The following TUT4 variants were observed in gnomAD, a reference collection of about 807,000 sequenced individuals.
TUT4 encodes terminal uridylyltransferase 4.
A neutral mutation model predicts 192.2 loss-of-function variants in TUT4; 36 were observed. The ratio of observed to expected loss-of-function variants is 0.19; its 90% CI spans 0.14 to 0.25. The LOEUF is 0.25. TUT4 is among the 10% of genes least tolerant of loss of function. The probability of loss-of-function intolerance (pLI) is 1.00; values close to 1 mark genes in which losing one functional copy is unlikely to be tolerated. For synonymous variants in TUT4, 618 were observed against 666.0 expected, an observed-to-expected ratio of 0.93 and a Z score of 1.11; for missense variants, 1,493 against 1,957.2, an observed-to-expected ratio of 0.76 and a Z score of 4.47.
intron 1 of TUT4, among the ~76,000 whole-genome samples, chr1:52,540,453 T>C (rs1433045371): frequency 1.3e-5 from 2 of 149,398 alleles, no homozygotes; most frequent in Middle Eastern, 3.2e-3. Context: ...AGGTAGAGAT[T>C]GCAGTGACCT....
At chr1:52,467,089 G>A (rs1414282872) in intron 15 of TUT4, among the ~76,000 whole-genome samples, 1 of 152,128 alleles carries the variant, frequency 6.6e-6, no homozygotes, top group Non-Finnish European at 1.5e-5. Flanking sequence ...AGGCTGCAGT[G>A]AGCTATGATC....
intron 3 of TUT4, among the ~76,000 whole-genome samples, chr1:52,511,967 G>C (rs1292781244): frequency 1.3e-5 from 2 of 151,698 alleles, no homozygotes; most frequent in Non-Finnish European, 2.9e-5. Flanking sequence ...TGAGAGTGGT[G>C]AAGGTGGTAA....
intron 11 of TUT4, among the ~76,000 whole-genome samples, chr1:52,478,525 G>A (rs1218769785): frequency 1.3e-5 from 2 of 152,186 alleles, no homozygotes; most frequent in African/African-American, 2.4e-5. Flanking sequence ...ATTCCATGAA[G>A]TGGATACTAT....
intron 24 of TUT4, among the ~76,000 whole-genome samples, chr1:52,445,358 T>C (rs906219665): frequency 4.6e-5 from 7 of 152,146 alleles, no homozygotes; most frequent in African/African-American, 1.7e-4. Context: ...ATTTCTTCGG[T>C]TTTGTCTTCT....
At chr1:52,462,027 T>A in intron 16 of TUT4, 2 of 303,418 alleles carry the variant, frequency 6.6e-6, no homozygotes, top group Non-Finnish European at 6.1e-6. Flanking sequence ...GTAATTCACA[T>A]GCAGATTAAA....
intron 4 of TUT4, among the ~76,000 whole-genome samples, chr1:52,503,904 T>G (rs1281183274): frequency 1.3e-5 from 2 of 152,188 alleles, no homozygotes; most frequent in African/African-American, 2.4e-5. Context: ...CTGTCCTTAC[T>G]CATTTGGTGA....
At position 52,518,371 on chromosome 1, in the gene TUT4, C is replaced by G. The variant is rs80036061; in HGVS notation, c.719-2317G>C. Among the ~76,000 whole-genome samples the G allele has an allele frequency of 3.9e-3, 596 of 152,352 alleles. 3 individuals carry two copies. The highest frequency in any genetic ancestry group is 0.014 in the African/African-American group (568 of 41,580). On this transcript the variant is annotated intron_variant, in intron 2 of 29. Transcript: ENST00000257177. ...GGAAAGTCAAAGATCAAGGTGTCAG[C>G]AAGGTCACTGTCTGGTGAGGGCTCT...
intron 1 of TUT4, among the ~76,000 whole-genome samples, chr1:52,537,187 TA>T (rs913999448): frequency 6.6e-5 from 10 of 150,850 alleles, no homozygotes; most frequent in Middle Eastern, 3.5e-3. Flanking sequence ...AAATAAAAAT[TA>T]AAAAAAAGAG....
At chr1:52,466,612 G>A (rs1445339417) in intron 15 of TUT4, among the ~76,000 whole-genome samples, 1 of 146,494 alleles carries the variant, frequency 6.8e-6, no homozygotes, top group African/African-American at 2.6e-5. Context: ...CACCACTGCA[G>A]TTGAGCCCGG....
intron 27 of TUT4, chr1:52,434,621 T>G (rs552947230): frequency 2.0e-5 from 3 of 152,330 alleles, no homozygotes; most frequent in Middle Eastern, 3.4e-3. Flanking sequence ...GTGGATCACC[T>G]GAGGTCAGGA....
chr1:52,550,770 C>T (rs1256117694), intron 1 of TUT4, among the ~76,000 whole-genome samples: 1 of 152,166 alleles, frequency 6.6e-6, no homozygotes, highest in Non-Finnish European at 1.5e-5. Flanking sequence ...GCTGAGATTA[C>T]AGGCGTGAGT....
At chr1:52,452,264 G>C (rs1182787959) in intron 20 of TUT4, among the ~76,000 whole-genome samples, 1 of 152,094 alleles carries the variant, frequency 6.6e-6, no homozygotes, top group East Asian at 1.9e-4. Context: ...TACAAAGCAG[G>C]TTCAACATCT....
chr1:52,505,418 CTTTT>C (rs35140317), intron 4 of TUT4, among the ~76,000 whole-genome samples: 6 of 109,532 alleles, frequency 5.5e-5, no homozygotes, highest in African/African-American at 1.5e-4. Flanking sequence ...TTTGCTTAGA[CTTTT>C]TTTTTTTTTT....
chr1:52,429,576 T>A (rs1183876054), intron 28 of TUT4, among the ~76,000 whole-genome samples: 1 of 150,034 alleles, frequency 6.7e-6, no homozygotes, highest in Non-Finnish European at 1.5e-5. Context: ...ATATATATAC[T>A]TTTTTTTAAT....
At chr1:52,542,757 A>ACTTTTT (rs772350885) in intron 1 of TUT4, among the ~76,000 whole-genome samples, 1 of 147,546 alleles carries the variant, frequency 6.8e-6, no homozygotes, top group Non-Finnish European at 1.5e-5. Flanking sequence ...CTTTTTATTT[A>ACTTTTT]TTTATTTATT....
At chr1:52,518,543 C>G (rs1323827654) in intron 2 of TUT4, among the ~76,000 whole-genome samples, 1 of 152,138 alleles carries the variant, frequency 6.6e-6, no homozygotes, top group Non-Finnish European at 1.5e-5. Flanking sequence ...CACCTCAAAG[C>G]CCTGTTTCCA....
At chr1:52,457,689 C>T (rs550907096) in intron 20 of TUT4, among the ~76,000 whole-genome samples, 1 of 152,320 alleles carries the variant, frequency 6.6e-6, no homozygotes, top group African/African-American at 2.4e-5. Flanking sequence ...TACAAATCTA[C>T]TTTGTGCCAA....
intron 11 of TUT4, among the ~76,000 whole-genome samples, chr1:52,478,128 G>A (rs1451498837): frequency 6.6e-6 from 1 of 152,090 alleles, no homozygotes; most frequent in Admixed American, 6.5e-5. Flanking sequence ...GAATCATGTG[G>A]AGAGCAGTAA....
intron 1 of TUT4, among the ~76,000 whole-genome samples, chr1:52,528,193 TA>T (rs1157174616): frequency 2.1e-5 from 3 of 142,344 alleles, no homozygotes; most frequent in Non-Finnish European, 4.6e-5. Context: ...AAAATAATAA[TA>T]ATAATAATAA....
Sources: gnomAD v4.1 joint callset for allele counts (sites outside exome capture counted in the v4.1 genomes callset) on GRCh38, gnomAD v4.1.1 for gene constraint, MANE v1.5 for transcripts, NCBI Gene and HGNC (gene_info 2026-07-23, HGNC 2026-07-21) for gene names.